The following ANKRD13C variants were observed in gnomAD, a reference collection of about 807,000 sequenced individuals.
ANKRD13C encodes the protein ankyrin repeat domain 13C.
In ANKRD13C, 16 loss-of-function variants were observed where a neutral mutation model predicts 65.5. The observed-to-expected ratio is 0.24, with a 90% CI of 0.17 to 0.37. The LOEUF (loss-of-function observed/expected upper bound fraction) is 0.37. Among genes scored for constraint, ANKRD13C ranks in the 10% least tolerant of loss-of-function variants. The pLI is 1.00. For synonymous variants in ANKRD13C, 235 were observed against 238.7 expected (o/e 0.98, Z 0.14); for missense variants, 503 against 655.9 (o/e 0.77, Z 2.55).
chr1:70,333,240 C>T (rs59041313), intron 2 of ANKRD13C, among the ~76,000 whole-genome samples: 1,744 of 151,906 alleles, frequency 0.011, 29 homozygotes, highest in African/African-American at 0.039. Flanking sequence ...TGAGTAAATA[C>T]GTGTAAAGTA....
chr1:70,289,127 T>TTG (rs1679747429), intron 9 of ANKRD13C, among the ~76,000 whole-genome samples: 1 of 152,232 alleles, frequency 6.6e-6, no homozygotes. Context: ...TCCTATGGTT[T>TTG]ATATGGGAAG....
chr1:70,295,883 G>A (rs1680062730), intron 8 of ANKRD13C, among the ~76,000 whole-genome samples: 1 of 152,092 alleles, frequency 6.6e-6, no homozygotes, highest in African/African-American at 2.4e-5. Flanking sequence ...ATAATAACAA[G>A]ACAGCTAGCA....
At chr1:70,266,564 T>C (rs1678638553) in intron 12 of ANKRD13C, among the ~76,000 whole-genome samples, 1 of 152,238 alleles carries the variant, frequency 6.6e-6, no homozygotes, top group Non-Finnish European at 1.5e-5. Flanking sequence ...CCTATGTCTA[T>C]AAAAATATCT....
chr1:70,325,056 G>A (rs1408305118), intron 2 of ANKRD13C, 99 bp from the exon 3 acceptor site: 5 of 782,982 alleles, frequency 6.4e-6, no homozygotes, highest in East Asian at 3.0e-5. Flanking sequence ...AACATAAATA[G>A]ATGAAATAAA....
intron 7 of ANKRD13C, among the ~76,000 whole-genome samples, chr1:70,298,586 C>T (rs1680194147): frequency 6.6e-6 from 1 of 152,078 alleles, no homozygotes; most frequent in South Asian, 2.1e-4. Flanking sequence ...CTATGACATC[C>T]ACAAATACTT....
At chr1:70,314,743 A>G (rs1681001639) in intron 4 of ANKRD13C, among the ~76,000 whole-genome samples, 3 of 151,178 alleles carry the variant, frequency 2.0e-5, no homozygotes, top group Admixed American at 1.3e-4. Flanking sequence ...TAAGATCTAA[A>G]AAAAAAAAAA....
At chr1:70,348,952 C>T (rs1201359497) in intron 1 of ANKRD13C, among the ~76,000 whole-genome samples, 1 of 152,146 alleles carries the variant, frequency 6.6e-6, no homozygotes, top group Non-Finnish European at 1.5e-5. Context: ...TTGAGCAATT[C>T]ATATGTTCAG....
intron 1 of ANKRD13C, among the ~76,000 whole-genome samples, chr1:70,343,657 T>C (rs1682405470): frequency 6.6e-6 from 1 of 152,202 alleles, no homozygotes; most frequent in South Asian, 2.1e-4. Context: ...CTCAGCCTCC[T>C]GACTAGCTGG....
chr1:70,304,468 C>T (rs952779905), intron 6 of ANKRD13C, among the ~76,000 whole-genome samples: 26 of 151,984 alleles, frequency 1.7e-4, no homozygotes, highest in African/African-American at 6.3e-4. Context: ...GTGATTACAG[C>T]TCACTGCAGC....
chr1:70,352,115 A>G (rs776337396), intron 1 of ANKRD13C, among the ~76,000 whole-genome samples: 221 of 152,136 alleles, frequency 1.5e-3, no homozygotes, highest in Non-Finnish European at 2.7e-3. Context: ...CGAGGCGGGC[A>G]GATCACGAGG....
At chr1:70,348,957 G>C (rs1682639516) in intron 1 of ANKRD13C, among the ~76,000 whole-genome samples, 1 of 152,138 alleles carries the variant, frequency 6.6e-6, no homozygotes, top group Non-Finnish European at 1.5e-5. Flanking sequence ...CAATTCATAT[G>C]TTCAGGACTT....
chr1:70,280,736 C>T (rs1679351101), intron 9 of ANKRD13C, among the ~76,000 whole-genome samples: 1 of 152,148 alleles, frequency 6.6e-6, no homozygotes, highest in Admixed American at 6.5e-5. Context: ...ATGTAAAGTG[C>T]TTAAAATAGT....
intron 1 of ANKRD13C, among the ~76,000 whole-genome samples, chr1:70,342,771 C>CACAA (rs945588509): frequency 6.7e-6 from 1 of 148,742 alleles, no homozygotes; most frequent in Non-Finnish European, 1.5e-5. Flanking sequence ...CACACACACA[C>CACAA]AAAATAACAC....
At chr1:70,276,890 A>C (rs1679163827) in intron 9 of ANKRD13C, 46 bp from the exon 10 acceptor site, 1 of 1,431,832 alleles carries the variant, frequency 7.0e-7, no homozygotes, top group Non-Finnish European at 9.6e-7. Flanking sequence ...GGAGAAAGAA[A>C]GATGTTATTT....
intron 1 of ANKRD13C, among the ~76,000 whole-genome samples, chr1:70,340,738 A>G (rs1054716189): frequency 1.3e-5 from 2 of 152,162 alleles, no homozygotes; most frequent in African/African-American, 4.8e-5. Flanking sequence ...TCAAACTTAA[A>G]ATTTTCATAG....
Position 70,300,891 on chromosome 1 carries a change from A to G in ANKRD13C, c.794T>C (p.Ile265Thr). 6.2e-7 allele frequency: 1 copy of G among 1,612,622 alleles called. No individual in the cohort carries two copies. Among genetic ancestry groups the G allele is most frequent in the Non-Finnish European group, 8.5e-7 (1 of 1,179,670 alleles). ...GINIRLDTTL[I>T]DFTDMKCQRG... ...TTGGCACTTCATGTCAGTAAAGTCT[A>G]TGAGAGTTGTGTCAAGCCTGTGAAA... The change falls in exon 7 of 13, where the codon ATA (isoleucine) becomes ACA (threonine). Residue 265 changes from isoleucine to threonine, a missense_variant. By Grantham distance (89) the Ile-to-Thr change is moderately conservative. Coordinates refer to ENST00000370944, the MANE Select transcript of ANKRD13C (RefSeq NM_030816.5).
intron 5 of ANKRD13C, among the ~76,000 whole-genome samples, chr1:70,308,245 C>G (rs964950882): frequency 6.6e-6 from 1 of 152,120 alleles, no homozygotes; most frequent in African/African-American, 2.4e-5. Flanking sequence ...ATCCTCCCAC[C>G]TCAGCCTCCC....
intron 1 of ANKRD13C, among the ~76,000 whole-genome samples, chr1:70,338,638 G>C (rs1005007765): frequency 1.3e-5 from 2 of 152,158 alleles, no homozygotes; most frequent in East Asian, 3.9e-4. Flanking sequence ...GACCTCAGGT[G>C]ATCCGCCCGC....
In ANKRD13C at chr1:70,272,990, AAAAT is replaced by A. The variant is rs56932890; in HGVS notation, c.1394+1726_1394+1729del. ...GCAACAGAGTGAGACTCTGTCTCAA[AAAAT>A]AAATAAATAAATAAATAAATAAATA... On this transcript the variant is annotated intron_variant, in intron 11 of 12. Transcript: ENST00000370944. 3.3e-3 allele frequency among the ~76,000 whole-genome samples: 483 copies of A among 147,178 alleles called. 4 individuals carry two copies. Among genetic ancestry groups the A allele is most frequent in the African/African-American group, 0.011 (441 of 39,564 alleles).
Sources: allele counts gnomAD v4.1 joint callset (sites outside exome capture counted in the v4.1 genomes callset), GRCh38; gene constraint gnomAD v4.1.1; transcripts MANE v1.5; gene names NCBI Gene and HGNC (gene_info 2026-07-23, HGNC 2026-07-21).